The following ATAD1 variants were observed in gnomAD, a reference collection of about 807,000 sequenced individuals.
The protein encoded by ATAD1 is ATPase family AAA domain containing 1, also known as outer mitochondrial transmembrane helix translocase.
Under a neutral mutation model 42.7 loss-of-function variants are expected in ATAD1, and 18 were observed. The observed-to-expected ratio is 0.42, with a 90% CI of 0.29 to 0.63. ATAD1 has a LOEUF of 0.63. Ranked by LOEUF, ATAD1 falls within the 20% of genes least tolerant of loss-of-function variation. ATAD1 has a pLI of 0.19. For missense variants in ATAD1, 294 were observed against 440.4 expected (o/e 0.67, Z 2.98); for synonymous variants, 132 against 143.1 (o/e 0.92, Z 0.55).
At chr10:87,791,692 A>G (rs1384695766) in intron 3 of ATAD1, among the ~76,000 whole-genome samples, 1 of 152,236 alleles carries the variant, frequency 6.6e-6, no homozygotes, top group Non-Finnish European at 1.5e-5. Flanking sequence ...CTACTTATTT[A>G]TAGCAATATA....
At chr10:87,784,188 A>T (rs1855707622) in intron 5 of ATAD1, among the ~76,000 whole-genome samples, 1 of 152,182 alleles carries the variant, frequency 6.6e-6, no homozygotes, top group Admixed American at 6.5e-5. Context: ...ACTTCTAGGT[A>T]TCTTTCCCGG....
intron 8 of ATAD1, among the ~76,000 whole-genome samples, chr10:87,758,270 G>A (rs1205446620): frequency 2.0e-5 from 3 of 151,992 alleles, no homozygotes; most frequent in Non-Finnish European, 4.4e-5. Flanking sequence ...AAATACATAG[G>A]TACCACTAAA....
At chr10:87,814,047 C>A (rs957952746) in intron 2 of ATAD1, among the ~76,000 whole-genome samples, 21 of 152,030 alleles carry the variant, frequency 1.4e-4, no homozygotes, top group African/African-American at 4.8e-4. Flanking sequence ...AAGTTTAAGA[C>A]TGAGAGCGTT....
At chr10:87,797,996 G>A (rs974887421) in intron 2 of ATAD1, among the ~76,000 whole-genome samples, 8 of 152,146 alleles carry the variant, frequency 5.3e-5, no homozygotes, top group African/African-American at 1.9e-4. Context: ...GGGGCCTAAT[G>A]GGAGTGTACA....
At chr10:87,829,499 C>T (rs774757439) in intron 1 of ATAD1, among the ~76,000 whole-genome samples, 6 of 152,090 alleles carry the variant, frequency 3.9e-5, no homozygotes, top group Admixed American at 6.6e-5. Context: ...CATGATCTGC[C>T]GACCTCAGCC....
intron 2 of ATAD1, among the ~76,000 whole-genome samples, chr10:87,809,168 G>C (rs141770882): frequency 1.3e-5 from 2 of 151,918 alleles, no homozygotes; most frequent in African/African-American, 2.4e-5. Context: ...ATTTATCGAC[G>C]TAACAGTTGA....
intron 1 of ATAD1, among the ~76,000 whole-genome samples, chr10:87,828,160 C>T (rs556517017): frequency 6.6e-6 from 1 of 152,004 alleles, no homozygotes; most frequent in East Asian, 1.9e-4. Flanking sequence ...GATGGGGTCT[C>T]ATTTTATTCC....
upstream of ATAD1, among the ~76,000 whole-genome samples, chr10:87,819,677 T>C (rs1319441363): frequency 6.6e-6 from 1 of 152,208 alleles, no homozygotes; most frequent in Admixed American, 6.5e-5. Context: ...GAGAAACTTT[T>C]CTAAGTTCAT....
At chr10:87,786,903 C>T (rs774549829) in intron 4 of ATAD1, among the ~76,000 whole-genome samples, 7 of 151,516 alleles carry the variant, frequency 4.6e-5, no homozygotes, top group Non-Finnish European at 8.8e-5. Context: ...TGCAGTGAGC[C>T]GAGATTGCGC....
intron 4 of ATAD1, 134 bp from the exon 5 acceptor site, chr10:87,784,804 T>C: frequency 1.3e-6 from 1 of 792,756 alleles, no homozygotes; most frequent in Non-Finnish European, 1.9e-6. Flanking sequence ...ATCTTGTTTA[T>C]AGTAGGTAAG....
At chr10:87,820,627 G>C (rs916798711), upstream of ATAD1, among the ~76,000 whole-genome samples, 4 of 152,176 alleles carry the variant, frequency 2.6e-5, no homozygotes, top group Non-Finnish European at 2.9e-5. Context: ...GTTGAATAAA[G>C]TCACGAGGCT....
At chr10:87,836,010 A>T (rs1022288030) in intron 1 of ATAD1, among the ~76,000 whole-genome samples, 4 of 152,186 alleles carry the variant, frequency 2.6e-5, no homozygotes, top group South Asian at 2.1e-4. Flanking sequence ...CATTAATGTT[A>T]TCAGTTTTGC....
chr10:87,813,909 C>G (rs1564781897), intron 2 of ATAD1, among the ~76,000 whole-genome samples: 1 of 151,706 alleles, frequency 6.6e-6, no homozygotes, highest in Non-Finnish European at 1.5e-5. Flanking sequence ...TGATGACAAA[C>G]AGAAACCAAT....
rs746168053 is a variant in ATAD1 at position 87,808,014 on chromosome 10, G to A, written c.162+6424C>T. Among the ~76,000 whole-genome samples, 10 of 152,034 alleles carry A rather than the reference G, an allele frequency of 6.6e-5. No individual in the cohort carries two copies. In the East Asian group the frequency reaches 9.6e-4, roughly 15 times the overall value. On this transcript the variant is annotated intron_variant, in intron 2 of 9. Transcript: ENST00000680024. ...TGTGTTGTATGTCTTATGTTTGTCC[G>A]TTGTTTTATATTTTTGATGCTACTA... is the stretch of plus-strand genomic sequence containing the variant.
Position 87,761,746 on chromosome 10 carries a change from T to C in ATAD1, c.832-4824A>G, listed in dbSNP as rs1854494524. Among the ~76,000 whole-genome samples the C allele has an allele frequency of 2.0e-5, 3 of 152,070 alleles. No individual in the cohort carries two copies. The South Asian group carries it at 6.2e-4, about 31-fold the overall frequency. On this transcript the variant is annotated intron_variant, in intron 8 of 9. Transcript: ENST00000680024. The stretch of plus-strand genomic sequence containing the variant: ...AAAGCAGAATACTGAATACTAAAAT[T>C]AAGAGACATGTATAATTTCTTCCTC...
chr10:87,791,349 G>C (rs12778199), intron 3 of ATAD1, among the ~76,000 whole-genome samples: 38,336 of 151,960 alleles, frequency 0.25, 5,239 homozygotes, highest in Non-Finnish European at 0.31. Flanking sequence ...CCTGAAAGGA[G>C]CTGGAGTTGG....
At chr10:87,840,996 A>G (rs187122014) in intron 1 of ATAD1, among the ~76,000 whole-genome samples, 24 of 152,314 alleles carry the variant, frequency 1.6e-4, no homozygotes, top group African/African-American at 3.4e-4. Context: ...TCTCTCTGAT[A>G]CGTAAAAAAA....
intron 9 of ATAD1, among the ~76,000 whole-genome samples, chr10:87,755,378 A>T (rs1388099066): frequency 6.6e-6 from 1 of 152,200 alleles, no homozygotes; most frequent in East Asian, 1.9e-4. Context: ...ACAGATATTC[A>T]GGGAAAAACA....
At chr10:87,814,697 A>G in intron 1 of ATAD1, 85 bp from the exon 2 acceptor site, 1 of 1,045,102 alleles carries the variant, frequency 9.6e-7, no homozygotes. Context: ...AAACTAAGAA[A>G]GAAAAACTAA....
Sources: allele counts gnomAD v4.1 joint callset (sites outside exome capture counted in the v4.1 genomes callset), GRCh38; gene constraint gnomAD v4.1.1; transcripts MANE v1.5; gene names NCBI Gene and HGNC (gene_info 2026-07-23, HGNC 2026-07-21).